The following TYW1B variants were observed in gnomAD, a reference collection of about 807,000 sequenced individuals.
The protein encoded by TYW1B is S-adenosyl-L-methionine-dependent tRNA 4-demethylwyosine synthase TYW1B.
Under a neutral mutation model 86.9 loss-of-function variants are expected in TYW1B, and 73 were observed. That is an observed-to-expected ratio of 0.84 (90% CI 0.70 to 1.02). TYW1B has a LOEUF of 1.02. Ranked by LOEUF, TYW1B falls within the 50% of genes least tolerant of loss-of-function variation. The probability of loss-of-function intolerance (pLI) is 0.00; values close to 1 mark genes in which losing one functional copy is unlikely to be tolerated. For missense variants in TYW1B, 637 were observed against 827.4 expected (o/e 0.77, Z 2.82); for synonymous variants, 248 against 292.8 (o/e 0.85, Z 1.56).
At chr7:72,688,155 A>C (rs1814055230) in intron 11 of TYW1B, among the ~76,000 whole-genome samples, 4 of 152,258 alleles carry the variant, frequency 2.6e-5, no homozygotes, top group Admixed American at 2.0e-4. Flanking sequence ...AATACAATAT[A>C]GTAACTGTTT....
intron 4 of TYW1B, among the ~76,000 whole-genome samples, chr7:72,809,834 C>T (rs1788569487): frequency 6.6e-6 from 1 of 151,652 alleles, no homozygotes; most frequent in Admixed American, 6.6e-5. Context: ...CCTGTCTCTA[C>T]TAAAAATACA....
At chr7:72,621,159 CGTCT>C (rs1327328292) in intron 12 of TYW1B, among the ~76,000 whole-genome samples, 6 of 152,228 alleles carry the variant, frequency 3.9e-5, no homozygotes, top group South Asian at 2.1e-4. Context: ...TCTCTCTGTC[CGTCT>C]GTCTGTCTCT....
intron 13 of TYW1B, among the ~76,000 whole-genome samples, chr7:72,596,206 A>C (rs1267395676): frequency 7.2e-6 from 1 of 138,788 alleles, no homozygotes; most frequent in Non-Finnish European, 1.5e-5. Context: ...AAAAAAAAAG[A>C]CATCAACACT....
At chr7:72,637,230 T>C (rs1400250623) in intron 11 of TYW1B, among the ~76,000 whole-genome samples, 1 of 152,046 alleles carries the variant, frequency 6.6e-6, no homozygotes, top group African/African-American at 2.4e-5. Flanking sequence ...ACTGGTATCA[T>C]CAAGAATTGG....
chr7:72,737,395 C>G lies in TYW1B; in HGVS notation c.1082+7089G>C, dbSNP rs142858426. Among the ~76,000 whole-genome samples, 1,204 of 152,228 alleles carry G rather than the reference C, an allele frequency of 7.9e-3. 13 individuals are homozygous for G. The highest frequency in any genetic ancestry group is 0.028 in the African/African-American group (1,162 of 41,528). Reference sequence around the variant, plus strand: ...AGGAATGTGTTAATCATACTGTTTGCTTTCCAAAACTCTGGGTAAATGTAC... The same window carrying G: ...AGGAATGTGTTAATCATACTGTTTGGTTTCCAAAACTCTGGGTAAATGTAC... On this transcript the variant is annotated intron_variant, in intron 8 of 13. Transcript: ENST00000620995.
chr7:72,644,147 T>C (rs558703715), intron 11 of TYW1B, among the ~76,000 whole-genome samples: 34 of 152,278 alleles, frequency 2.2e-4, no homozygotes, highest in African/African-American at 7.7e-4. Flanking sequence ...ATAATCTCAA[T>C]AGACGCAAAA....
chr7:72,666,737 T>A (rs1449471125), intron 11 of TYW1B, among the ~76,000 whole-genome samples: 1 of 151,920 alleles, frequency 6.6e-6, no homozygotes, highest in Non-Finnish European at 1.5e-5. Flanking sequence ...CTCCAGTTTT[T>A]AAAAATGAAA....
intron 9 of TYW1B, among the ~76,000 whole-genome samples, chr7:72,722,387 A>G (rs2844088): frequency 9.8e-5 from 15 of 152,328 alleles, no homozygotes; most frequent in East Asian, 3.9e-4. Flanking sequence ...TTGCTGAACG[A>G]GTGGAAAACT....
In TYW1B at chr7:72,730,076, G is replaced by A. The variant is rs193191634; in HGVS notation, c.1083-1145C>T. Among the ~76,000 whole-genome samples, 30 of 152,156 alleles carry A rather than the reference G, an allele frequency of 2.0e-4. No individual in the cohort carries two copies. In the East Asian group the frequency reaches 4.8e-3, roughly 25 times the overall value. ...ACCAACACTATAAAATACTTCTCCA[G>A]GAAAGTCTTTCCCTATGAAAACTAC... is the stretch of plus-strand genomic sequence containing the variant. On this transcript the variant is annotated intron_variant, in intron 8 of 13. Transcript: ENST00000620995.
At chr7:72,735,238 G>A (rs1240278065) in intron 8 of TYW1B, among the ~76,000 whole-genome samples, 1 of 152,124 alleles carries the variant, frequency 6.6e-6, no homozygotes, top group East Asian at 1.9e-4. Flanking sequence ...TAAAGGAAAT[G>A]TGATATATAT....
chr7:72,620,587 G>A (rs1812190490), intron 12 of TYW1B, among the ~76,000 whole-genome samples: 2 of 152,056 alleles, frequency 1.3e-5, no homozygotes, highest in South Asian at 4.2e-4. Context: ...AGAGCCCAAT[G>A]GCTCTGTCTG....
At chr7:72,816,363 T>TC (rs1788722334) in intron 2 of TYW1B, among the ~76,000 whole-genome samples, 1 of 151,322 alleles carries the variant, frequency 6.6e-6, no homozygotes, top group African/African-American at 2.4e-5. Context: ...GCAACAAAAC[T>TC]CCATCTCCAA....
chr7:72,811,186 G>T (rs1788608978), intron 3 of TYW1B, among the ~76,000 whole-genome samples: 1 of 150,510 alleles, frequency 6.6e-6, no homozygotes, highest in Non-Finnish European at 1.5e-5. Context: ...CAAGAGAATG[G>T]CGTGAACCCA....
At chr7:72,672,473 A>C (rs3015912) in intron 11 of TYW1B, among the ~76,000 whole-genome samples, 49 of 140,728 alleles carry the variant, frequency 3.5e-4, no homozygotes, top group East Asian at 8.7e-4. Flanking sequence ...TACACACACA[A>C]ACACACACAC....
chr7:72,787,268 C>T (rs1183935854), intron 6 of TYW1B, among the ~76,000 whole-genome samples: 2 of 151,030 alleles, frequency 1.3e-5, no homozygotes, highest in African/African-American at 4.9e-5. Flanking sequence ...TCAAAATCAC[C>T]CTGGCCAACA....
At chr7:72,705,608 T>C (rs1428038632) in intron 10 of TYW1B, among the ~76,000 whole-genome samples, 1 of 152,094 alleles carries the variant, frequency 6.6e-6, no homozygotes, top group East Asian at 1.9e-4. Flanking sequence ...TAATGTAAAA[T>C]AGATGATTAT....
At chr7:72,623,735 C>A in intron 12 of TYW1B, among the ~76,000 whole-genome samples, 1 of 152,086 alleles carries the variant, frequency 6.6e-6, no homozygotes, top group South Asian at 2.1e-4. Context: ...GAGGTTATAG[C>A]CTGCCATATT....
At position 72,777,491 on chromosome 7, in the gene TYW1B, T is replaced by C. The variant is rs782566996; in HGVS notation, c.889A>G (p.Asn297Asp). The C allele has an allele frequency of 1.5e-5, 25 of 1,614,002 alleles. No homozygotes were observed. The highest frequency in any genetic ancestry group is 2.7e-5 in the African/African-American group (2 of 74,934). ...QQEEKSGLFR[N>D]MGRNEDGERR... ...TCACCATCTTCATTCCTCCCCATGT[T>C]CCTGAACAAACCAGACTTCTCTTCC... is the stretch of plus-strand genomic sequence containing the variant. The change falls in exon 7 of 14, where the codon AAC (asparagine) becomes GAC (aspartate). Residue 297 changes from asparagine (N) to aspartate (D), a missense_variant. Coordinates refer to ENST00000620995, the MANE Select transcript of TYW1B (RefSeq NM_001145440.3).
chr7:72,718,634 A>T (rs1233036800), intron 9 of TYW1B, among the ~76,000 whole-genome samples: 3 of 152,086 alleles, frequency 2.0e-5, no homozygotes, highest in Non-Finnish European at 4.4e-5. Flanking sequence ...TGGATGAATA[A>T]TTTTTTAGGT....
Sources: gnomAD v4.1 joint callset for allele counts (sites outside exome capture counted in the v4.1 genomes callset) on GRCh38, gnomAD v4.1.1 for gene constraint, MANE v1.5 for transcripts, NCBI Gene and HGNC (gene_info 2026-07-23, HGNC 2026-07-21) for gene names.